EPB41L4B: variants seen among roughly 807,000 people sequenced by gnomAD.
EPB41L4B encodes erythrocyte membrane protein band 4.1 like 4B.
A neutral mutation model predicts 112.5 loss-of-function variants in EPB41L4B; 30 were observed. The ratio of observed to expected loss-of-function variants is 0.27; its 90% CI spans 0.20 to 0.36. The LOEUF is 0.36. Ranked by LOEUF, EPB41L4B falls within the 10% of genes least tolerant of loss-of-function variation. The pLI is 1.00. For missense variants in EPB41L4B, 1,024 were observed against 1,133.3 expected (o/e 0.90, Z 1.38); for synonymous variants, 408 against 439.7 (o/e 0.93, Z 0.90).
chr9:109,292,590 T>A (rs553551789), intron 1 of EPB41L4B, among the ~76,000 whole-genome samples: 2 of 152,172 alleles, frequency 1.3e-5, no homozygotes, highest in Non-Finnish European at 2.9e-5. Flanking sequence ...GTGGCTTCCA[T>A]CTTACACCAA....
chr9:109,219,054 A>G (rs1315842270), intron 15 of EPB41L4B, among the ~76,000 whole-genome samples: 1 of 151,778 alleles, frequency 6.6e-6, no homozygotes, highest in African/African-American at 2.4e-5. Flanking sequence ...ATTCGGGGGA[A>G]GACAGTTAGG....
intron 15 of EPB41L4B, chr9:109,239,760 AT>A: frequency 3.3e-6 from 3 of 916,846 alleles, no homozygotes; most frequent in Non-Finnish European, 3.9e-6. Flanking sequence ...ATTAGAGGGT[AT>A]TATATGGCAT....
chr9:109,271,175 G>A (rs1380217481), intron 2 of EPB41L4B, among the ~76,000 whole-genome samples: 2 of 152,236 alleles, frequency 1.3e-5, no homozygotes, highest in Non-Finnish European at 2.9e-5. Flanking sequence ...GGTACCGGGT[G>A]GCTGACTGCT....
At chr9:109,195,892 T>A (rs891849584) in intron 20 of EPB41L4B, among the ~76,000 whole-genome samples, 13 of 152,206 alleles carry the variant, frequency 8.5e-5, no homozygotes, top group Non-Finnish European at 1.6e-4. Flanking sequence ...CCAAGAAGCA[T>A]ATCTAAAATT....
At chr9:109,315,207 C>A (rs1437515758) in intron 1 of EPB41L4B, among the ~76,000 whole-genome samples, 1 of 152,218 alleles carries the variant, frequency 6.6e-6, no homozygotes, top group Non-Finnish European at 1.5e-5. Flanking sequence ...ATTGCTACAG[C>A]AGTTTATAAT....
In EPB41L4B at chr9:109,174,127, T is replaced by A. The variant is rs1831724379; in HGVS notation, c.*427A>T. 6.3e-6 allele frequency: 1 copy of A among 158,762 alleles called. No homozygotes were observed. The highest frequency in any genetic ancestry group is 1.4e-5 in the Non-Finnish European group (1 of 71,402). 9.8% of individuals were successfully genotyped at this position (158,762 alleles called of 1,614,324 possible). A position where few individuals can be genotyped will look rare whatever the true frequency, so the allele number is the denominator to read the frequency against. Reference sequence around the variant, plus strand: ...ATCAGTGTAAATGAAAAACCAGCAATAAAGAATTATTCTTTCATTAAAAAT... The same window carrying A: ...ATCAGTGTAAATGAAAAACCAGCAAAAAAGAATTATTCTTTCATTAAAAAT... On this transcript the variant is annotated 3_prime_UTR_variant, in exon 26 of 26. Transcript: ENST00000374566.
At chr9:109,281,595 A>G (rs905499388) in intron 1 of EPB41L4B, among the ~76,000 whole-genome samples, 1 of 152,136 alleles carries the variant, frequency 6.6e-6, no homozygotes, top group Non-Finnish European at 1.5e-5. Flanking sequence ...CCCGCTATTC[A>G]GGAGGCTGAG....
At chr9:109,180,919 A>T (rs566679298) in intron 24 of EPB41L4B, among the ~76,000 whole-genome samples, 1 of 152,312 alleles carries the variant, frequency 6.6e-6, no homozygotes, top group African/African-American at 2.4e-5. Flanking sequence ...AGAAGCTTTC[A>T]TTTAAAGAAT....
intron 25 of EPB41L4B, 37 bp downstream of exon 25, chr9:109,176,514 C>T (rs1247840569): frequency 6.4e-7 from 1 of 1,563,028 alleles, no homozygotes; most frequent in East Asian, 2.3e-5. Flanking sequence ...TTCCCTGTCA[C>T]CAGAATTACC....
At chr9:109,303,952 G>GA (rs1490926463) in intron 1 of EPB41L4B, among the ~76,000 whole-genome samples, 6 of 152,046 alleles carry the variant, frequency 3.9e-5, no homozygotes, top group African/African-American at 9.7e-5. Context: ...ACTGTCTTGG[G>GA]AAAGGTATGT....
rs1333042622 is a variant in EPB41L4B at position 109,266,161 on chromosome 9, T to C, written c.534-1137A>G. 3.9e-5 allele frequency among the ~76,000 whole-genome samples: 6 copies of C among 152,192 alleles called. No individual in the cohort carries two copies. The East Asian group carries it at 1.2e-3, about 29-fold the overall frequency. ...TGATTCCTATAAGAAAAACTAACCATAGCAGCCTAGCAGGAGCCTGGGTAA... is the reference window on the plus strand; with the variant it reads ...TGATTCCTATAAGAAAAACTAACCACAGCAGCCTAGCAGGAGCCTGGGTAA... On this transcript the variant is annotated intron_variant, in intron 4 of 25. Coordinates refer to ENST00000374566, the MANE Select transcript of EPB41L4B (RefSeq NM_019114.5).
intron 21 of EPB41L4B, among the ~76,000 whole-genome samples, chr9:109,193,509 A>G (rs1257740142): frequency 6.6e-6 from 1 of 152,248 alleles, no homozygotes. Context: ...TGAATGGAAG[A>G]GCTGGGAACA....
intron 24 of EPB41L4B, among the ~76,000 whole-genome samples, chr9:109,178,489 C>T (rs145086540): frequency 0.01 from 1,578 of 152,060 alleles, 28 homozygotes; most frequent in African/African-American, 0.036. Context: ...GATTCTCCTG[C>T]CTCAGCCTCC....
intron 14 of EPB41L4B, among the ~76,000 whole-genome samples, chr9:109,244,866 G>T (rs1265042284): frequency 6.6e-6 from 1 of 152,106 alleles, no homozygotes; most frequent in Non-Finnish European, 1.5e-5. Flanking sequence ...TCCTTCTCAG[G>T]ATACTTTGCT....
chr9:109,243,798 G>GCTATAGA (rs1253239493), intron 14 of EPB41L4B, 116 bp from the exon 15 acceptor site: 8 of 959,446 alleles, frequency 8.3e-6, no homozygotes, highest in Non-Finnish European at 1.3e-5. Flanking sequence ...GAATGGAAAG[G>GCTATAGA]CTATAGACCC....
At chr9:109,216,898 C>T (rs1833390796) in intron 16 of EPB41L4B, 24 bp downstream of exon 16, 1 of 1,611,142 alleles carries the variant, frequency 6.2e-7, no homozygotes, top group Non-Finnish European at 8.5e-7. Context: ...CTTCTCCTGC[C>T]TTGCCCCCTC....
At chr9:109,275,966 C>G (rs1835799231) in intron 2 of EPB41L4B, among the ~76,000 whole-genome samples, 1 of 151,466 alleles carries the variant, frequency 6.6e-6, no homozygotes, top group Non-Finnish European at 1.5e-5. Context: ...AGGTTATGTG[C>G]CTTGTCCCCA....
At chr9:109,282,224 TTGC>T (rs1836091888) in intron 1 of EPB41L4B, among the ~76,000 whole-genome samples, 1 of 152,188 alleles carries the variant, frequency 6.6e-6, no homozygotes, top group African/African-American at 2.4e-5. Context: ...AGATTAGTGG[TTGC>T]TTCGGGCAAA....
At chr9:109,193,515 G>GAAC (rs1416778070) in intron 21 of EPB41L4B, among the ~76,000 whole-genome samples, 1 of 152,228 alleles carries the variant, frequency 6.6e-6, no homozygotes, top group African/African-American at 2.4e-5. Flanking sequence ...GAAGAGCTGG[G>GAAC]AACAGCCTCT....
Sources: gnomAD v4.1 joint callset for allele counts (sites outside exome capture counted in the v4.1 genomes callset) on GRCh38, gnomAD v4.1.1 for gene constraint, MANE v1.5 for transcripts, NCBI Gene and HGNC (gene_info 2026-07-23, HGNC 2026-07-21) for gene names.